Variants in FRMD4A observed in about 807,000 individuals in gnomAD.
FRMD4A encodes FERM domain containing 4A.
In FRMD4A, 29 loss-of-function variants were observed where a neutral mutation model predicts 129.1. The observed-to-expected ratio is 0.22, with a 90% CI of 0.17 to 0.31. The LOEUF (loss-of-function observed/expected upper bound fraction) is 0.31, where lower values mean the gene tolerates loss of function less well. Ranked by LOEUF, FRMD4A falls within the 10% of genes least tolerant of loss-of-function variation. FRMD4A has a pLI of 1.00. For synonymous variants in FRMD4A, 634 were observed against 571.6 expected, an observed-to-expected ratio of 1.11 and a Z score of -1.56; for missense variants, 1,272 against 1,375.8, an observed-to-expected ratio of 0.92 and a Z score of 1.19.
At chr10:13,789,379 C>T (rs536853300) in intron 5 of FRMD4A, among the ~76,000 whole-genome samples, 42 of 152,240 alleles carry the variant, frequency 2.8e-4, no homozygotes, top group Admixed American at 9.2e-4. Flanking sequence ...TTGCTGCTTG[C>T]TTCAGTTTAT....
chr10:14,285,908 G>T (rs918249550), intron 2 of FRMD4A, among the ~76,000 whole-genome samples: 1 of 152,184 alleles, frequency 6.6e-6, no homozygotes, highest in African/African-American at 2.4e-5. Flanking sequence ...GGGCTGAACA[G>T]GTAGAGTTGG....
At chr10:14,198,200 T>C (rs910338935) in intron 2 of FRMD4A, among the ~76,000 whole-genome samples, 7 of 152,216 alleles carry the variant, frequency 4.6e-5, no homozygotes, top group African/African-American at 1.7e-4. Context: ...TTACTTGGGA[T>C]TGTCAGATAT....
At chr10:13,906,329 A>C (rs180970638) in intron 2 of FRMD4A, among the ~76,000 whole-genome samples, 182 of 152,308 alleles carry the variant, frequency 1.2e-3, no homozygotes, top group Admixed American at 2.4e-3. Context: ...GCAATAACAC[A>C]GTGGTCAGCA....
chr10:13,764,651 A>C (rs910938003), intron 6 of FRMD4A, among the ~76,000 whole-genome samples: 4 of 152,232 alleles, frequency 2.6e-5, no homozygotes, highest in Non-Finnish European at 5.9e-5. Flanking sequence ...TTAAAGACAA[A>C]GAGAAGCCTG....
intron 2 of FRMD4A, among the ~76,000 whole-genome samples, chr10:14,202,293 G>A (rs1488707729): frequency 6.6e-6 from 1 of 152,240 alleles, no homozygotes; most frequent in Non-Finnish European, 1.5e-5. Flanking sequence ...GAAGGTGGTG[G>A]TATCCCCTCA....
chr10:14,196,958 T>C (rs953342962), intron 2 of FRMD4A, among the ~76,000 whole-genome samples: 2 of 152,178 alleles, frequency 1.3e-5, no homozygotes, highest in African/African-American at 2.4e-5. Flanking sequence ...GCAATGTCAA[T>C]AGTCTGAGGC....
chr10:14,112,456 A>C lies in FRMD4A; in HGVS notation c.45+217602T>G, dbSNP rs148035039. 2.7e-3 allele frequency among the ~76,000 whole-genome samples: 405 copies of C among 152,304 alleles called. 3 individuals carry two copies. The highest frequency in any genetic ancestry group is 8.6e-3 in the African/African-American group (356 of 41,566). ...TCAAAAGAATAAAATAGCTTTCAAG[A>C]GATAACAATAGCTCCACCAGGACCT... On this transcript the variant is annotated intron_variant, in intron 2 of 24. Coordinates refer to ENST00000357447, the MANE Select transcript of FRMD4A (RefSeq NM_018027.5).
intron 2 of FRMD4A, among the ~76,000 whole-genome samples, chr10:14,322,135 T>C (rs1843082198): frequency 6.6e-6 from 1 of 152,104 alleles, no homozygotes; most frequent in East Asian, 1.9e-4. Context: ...TTTATAGCAA[T>C]GCAAGAATGA....
chr10:14,074,320 C>A (rs372283123), intron 2 of FRMD4A: 1 of 152,190 alleles, frequency 6.6e-6, no homozygotes, highest in Non-Finnish European at 1.5e-5. Flanking sequence ...CAGGCCTCTA[C>A]TTGTCCAGAC....
At chr10:13,998,297 A>G (rs546871103) in intron 2 of FRMD4A, among the ~76,000 whole-genome samples, 22 of 152,264 alleles carry the variant, frequency 1.4e-4, no homozygotes, top group Admixed American at 1.1e-3. Context: ...GCCAATTTCC[A>G]TGGTGTAAAT....
Position 14,006,794 on chromosome 10 carries a change from C to T in FRMD4A, c.46-147882G>A, listed in dbSNP as rs570071386. Among the ~76,000 whole-genome samples, 57 of 152,314 alleles carry T rather than the reference C, an allele frequency of 3.7e-4. 2 individuals are homozygous for T. Among genetic ancestry groups the T allele is most frequent in the South Asian group, 2.5e-3 (12 of 4,826 alleles). ...GATCAATGTGTAAATTTTGCTGTCACTGATGGCCTAAGATCTAAGCTATTG... is the reference window on the plus strand; with the variant it reads ...GATCAATGTGTAAATTTTGCTGTCATTGATGGCCTAAGATCTAAGCTATTG... On this transcript the variant is annotated intron_variant, in intron 2 of 24. Coordinates refer to ENST00000357447, the MANE Select transcript of FRMD4A (RefSeq NM_018027.5).
chr10:13,876,809 TAATA>T lies in FRMD4A; in HGVS notation c.46-17901_46-17898del, dbSNP rs545260568. ...GCACACAATAAATATTTTATATGAA[TAATA>T]AATATATATTTAAATAGCATATATC... On this transcript the variant is annotated intron_variant, in intron 2 of 24. Coordinates refer to ENST00000357447, the MANE Select transcript of FRMD4A (RefSeq NM_018027.5). Among the ~76,000 whole-genome samples the T allele has an allele frequency of 3.4e-4, 51 of 151,646 alleles. 1 individual carries two copies. In the East Asian group the frequency reaches 9.1e-3, roughly 27 times the overall value.
chr10:13,742,128 T>C (rs546189860), intron 9 of FRMD4A, among the ~76,000 whole-genome samples: 177 of 152,308 alleles, frequency 1.2e-3, no homozygotes, highest in African/African-American at 4.1e-3. Flanking sequence ...AGTGCTGGGA[T>C]TACAGGCGTG....
chr10:13,917,984 A>G (rs996234630), intron 2 of FRMD4A, among the ~76,000 whole-genome samples: 3 of 152,176 alleles, frequency 2.0e-5, no homozygotes, highest in Non-Finnish European at 2.9e-5. Context: ...ACTCTACAAA[A>G]AGTGATCACT....
chr10:14,054,790 G>T (rs964686044), intron 2 of FRMD4A, among the ~76,000 whole-genome samples: 1 of 152,182 alleles, frequency 6.6e-6, no homozygotes, highest in African/African-American at 2.4e-5. Flanking sequence ...AATCGTGGGG[G>T]CAGGGTTTTC....
intron 2 of FRMD4A, among the ~76,000 whole-genome samples, chr10:14,282,451 T>C (rs1379087178): frequency 1.3e-5 from 2 of 152,144 alleles, no homozygotes; most frequent in Non-Finnish European, 2.9e-5. Context: ...TCTAATAAAA[T>C]GAGTAATCGC....
At chr10:13,710,599 G>T (rs2087921997) in intron 12 of FRMD4A, 2 of 152,268 alleles carry the variant, frequency 1.3e-5, no homozygotes, top group African/African-American at 4.8e-5. Flanking sequence ...GATTCCCCCT[G>T]ATGCTTGCTT....
intron 2 of FRMD4A, among the ~76,000 whole-genome samples, chr10:13,898,197 A>T (rs1247398639): frequency 6.6e-6 from 1 of 152,058 alleles, no homozygotes; most frequent in Non-Finnish European, 1.5e-5. Context: ...ACATAGTGAA[A>T]GCCAGTCTCT....
chr10:13,981,247 T>G (rs1390698337), intron 2 of FRMD4A, among the ~76,000 whole-genome samples: 1 of 152,132 alleles, frequency 6.6e-6, no homozygotes, highest in African/African-American at 2.4e-5. Flanking sequence ...CCAGGGAAGT[T>G]GTGGAAGTCA....
Sources: allele counts gnomAD v4.1 joint callset (sites outside exome capture counted in the v4.1 genomes callset), GRCh38; gene constraint gnomAD v4.1.1; transcripts MANE v1.5; gene names NCBI Gene and HGNC (gene_info 2026-07-23, HGNC 2026-07-21).